Variants in CSMD1 observed in about 807,000 individuals in gnomAD.
The protein encoded by CSMD1 is CUB and Sushi multiple domains 1, also known as CUB and sushi domain-containing protein 1.
In CSMD1, 213 loss-of-function variants were observed where a neutral mutation model predicts 417.5. That is an observed-to-expected ratio of 0.51 (90% CI 0.46 to 0.57). The LOEUF (loss-of-function observed/expected upper bound fraction) is 0.57. CSMD1 is among the 20% of genes least tolerant of loss of function. The probability of loss-of-function intolerance (pLI) is 0.00; values close to 1 mark genes in which losing one functional copy is unlikely to be tolerated. For missense variants in CSMD1, 6,923 were observed against 4,529.7 expected (o/e 1.53, Z -15.17); for synonymous variants, 2,862 against 1,736.8 (o/e 1.65, Z -16.11).
At chr8:3,059,893 G>A (rs1440719555) in intron 49 of CSMD1, among the ~76,000 whole-genome samples, 1 of 152,070 alleles carries the variant, frequency 6.6e-6, no homozygotes, top group African/African-American at 2.4e-5. Flanking sequence ...TTCACTTCAG[G>A]GCAAGTAGAT....
intron 15 of CSMD1, 118 bp downstream of exon 15, chr8:3,405,909 G>A (rs1447976841): frequency 2.3e-6 from 2 of 869,056 alleles, no homozygotes; most frequent in Non-Finnish European, 3.5e-6. Context: ...AAGTGACTGT[G>A]TGTGGTATTT....
chr8:4,140,329 T>C (rs1480846290), intron 3 of CSMD1, among the ~76,000 whole-genome samples: 3 of 150,900 alleles, frequency 2.0e-5, no homozygotes, highest in African/African-American at 7.4e-5. Context: ...AAATCCCATC[T>C]CTACTAAAAC....
intron 1 of CSMD1, among the ~76,000 whole-genome samples, chr8:4,879,890 G>A (rs1264492459): frequency 6.6e-6 from 1 of 152,066 alleles, no homozygotes; most frequent in Non-Finnish European, 1.5e-5. Flanking sequence ...CAGTCAGGAT[G>A]TTCTTACAAG....
At chr8:3,610,200 TG>T (rs1397548695) in intron 8 of CSMD1, among the ~76,000 whole-genome samples, 1 of 152,088 alleles carries the variant, frequency 6.6e-6, no homozygotes, top group Non-Finnish European at 1.5e-5. Context: ...ATGAATACAA[TG>T]GGTTTTACTA....
rs376422229 is a variant in CSMD1, at chr8:4,179,194, A to T, written c.416-147095T>A. Among the ~76,000 whole-genome samples the T allele has an allele frequency of 2.2e-3, 327 of 150,898 alleles. 2 individuals are homozygous for T. Among genetic ancestry groups the T allele is most frequent in the African/African-American group, 7.5e-3 (300 of 40,260 alleles). On this transcript the variant is annotated intron_variant, in intron 3 of 69. Coordinates refer to ENST00000635120, the MANE Select transcript of CSMD1 (RefSeq NM_033225.6). ...TTCAAACTATACTACAAGGCTACAG[A>T]AACCAAAACAGCATGGTACTGGTAC...
intron 1 of CSMD1, among the ~76,000 whole-genome samples, chr8:4,877,545 C>G (rs1355674518): frequency 1.3e-5 from 2 of 152,086 alleles, no homozygotes; most frequent in African/African-American, 4.8e-5. Context: ...CATATCAATG[C>G]ATTGCACTAA....
intron 15 of CSMD1, among the ~76,000 whole-genome samples, chr8:3,403,806 T>A (rs2116887496): frequency 6.6e-6 from 1 of 152,356 alleles, no homozygotes; most frequent in South Asian, 2.1e-4. Context: ...GAGCACCACA[T>A]GTGTATATAT....
chr8:4,803,592 T>G (rs976799333), intron 1 of CSMD1, among the ~76,000 whole-genome samples: 2 of 152,224 alleles, frequency 1.3e-5, no homozygotes, highest in African/African-American at 4.8e-5. Flanking sequence ...ATTCTACTAT[T>G]GTTTTGTAGA....
chr8:3,942,551 A>C (rs1810953972), intron 5 of CSMD1, among the ~76,000 whole-genome samples: 2 of 152,132 alleles, frequency 1.3e-5, no homozygotes, highest in African/African-American at 2.4e-5. Context: ...GAGGACTGAA[A>C]ATGTGCTCAG....
rs377407397 is a variant in CSMD1 at position 3,668,250 on chromosome 8, G to C, written c.1009+40164C>G. The stretch of plus-strand genomic sequence containing the variant: ...GTCCACCACTGCTGGATCTCATTCT[G>C]GGTGATGAGTTCAGCCTGCGAAGAT... On this transcript the variant is annotated intron_variant, in intron 7 of 69. Transcript: ENST00000635120. Among the ~76,000 whole-genome samples, 71 of 152,260 alleles carry C rather than the reference G, an allele frequency of 4.7e-4. 1 individual carries two copies. The highest frequency in any genetic ancestry group is 1.7e-3 in the African/African-American group (69 of 41,536).
chr8:4,041,758 G>A (rs927792796), intron 3 of CSMD1, among the ~76,000 whole-genome samples: 7 of 152,028 alleles, frequency 4.6e-5, no homozygotes, highest in African/African-American at 1.2e-4. Context: ...AGGTGATGAT[G>A]GAACATGTTG....
At position 3,601,588 on chromosome 8, in the gene CSMD1, C is replaced by T. The variant is rs189025366; in HGVS notation, c.1097+15122G>A. Among the ~76,000 whole-genome samples, 258 of 152,312 alleles carry T rather than the reference C, an allele frequency of 1.7e-3. 2 individuals carry two copies. The highest frequency in any genetic ancestry group is 6.1e-3 in the African/African-American group (255 of 41,568). On this transcript the variant is annotated intron_variant, in intron 8 of 69. Transcript: ENST00000635120. The stretch of plus-strand genomic sequence containing the variant: ...AGTTACCTACACTAGTCACCACAAT[C>T]TACTGTAGAATAAGATGCTGCAAAA...
intron 3 of CSMD1, among the ~76,000 whole-genome samples, chr8:4,269,575 C>G (rs886305771): frequency 4.6e-5 from 7 of 152,126 alleles, no homozygotes; most frequent in African/African-American, 1.2e-4. Flanking sequence ...TTTCTCCAAT[C>G]TTTTGAAAGC....
rs532753290 is a variant in CSMD1, at chr8:4,032,350, C to G, written c.416-251G>C. Among the ~76,000 whole-genome samples, 3 of 152,128 alleles carry G rather than the reference C, an allele frequency of 2.0e-5. No individual in the cohort carries two copies. In the East Asian group the frequency reaches 5.8e-4, roughly 29 times the overall value. Reference sequence around the variant, plus strand: ...TTTGTTAAGAGAGAAAAATATAGTCCTGCTTTTATTCAGTGTTCCAGATAA... The same window carrying G: ...TTTGTTAAGAGAGAAAAATATAGTCGTGCTTTTATTCAGTGTTCCAGATAA... On this transcript the variant is annotated intron_variant, in intron 3 of 69. Transcript: ENST00000635120.
At chr8:4,182,324 T>G (rs937107626) in intron 3 of CSMD1, among the ~76,000 whole-genome samples, 1 of 152,110 alleles carries the variant, frequency 6.6e-6, no homozygotes, top group African/African-American at 2.4e-5. Flanking sequence ...TTCAGTAAAT[T>G]TATTCTTGTA....
intron 9 of CSMD1, among the ~76,000 whole-genome samples, chr8:3,583,683 T>C (rs1800477850): frequency 2.0e-5 from 3 of 152,156 alleles, no homozygotes; most frequent in South Asian, 2.1e-4. Context: ...TTGAAACTTC[T>C]CAGCCTCTGC....
intron 3 of CSMD1, among the ~76,000 whole-genome samples, chr8:4,283,605 G>C (rs1293791481): frequency 6.6e-6 from 1 of 152,128 alleles, no homozygotes; most frequent in African/African-American, 2.4e-5. Context: ...CCAGGTCCTT[G>C]GGGACACGAA....
At chr8:3,162,380 G>A in intron 37 of CSMD1, 103 bp from the exon 38 acceptor site, 2 of 742,722 alleles carry the variant, frequency 2.7e-6, no homozygotes, top group Non-Finnish European at 2.3e-6. Flanking sequence ...CTGTAGAAAT[G>A]AACAAAGACT....
intron 2 of CSMD1, among the ~76,000 whole-genome samples, chr8:4,552,349 T>G (rs1797911535): frequency 6.6e-6 from 1 of 152,170 alleles, no homozygotes; most frequent in Non-Finnish European, 1.5e-5. Context: ...TTTTTTCTTT[T>G]GGCTTCTGTG....
Sources: gnomAD v4.1 joint callset for allele counts (sites outside exome capture counted in the v4.1 genomes callset) on GRCh38, gnomAD v4.1.1 for gene constraint, MANE v1.5 for transcripts, NCBI Gene and HGNC (gene_info 2026-07-23, HGNC 2026-07-21) for gene names.